Variants in SAMD5 observed in about 807,000 individuals in gnomAD.
SAMD5 encodes the protein sterile alpha motif domain containing 5.
Under a neutral mutation model 11.3 loss-of-function variants are expected in SAMD5, and 13 were observed. The ratio of observed to expected loss-of-function variants is 1.15; its 90% confidence interval spans 0.75 to 1.83. The LOEUF (loss-of-function observed/expected upper bound fraction) is 1.83. SAMD5 is among the 40% of genes most tolerant of loss of function. The probability of loss-of-function intolerance (pLI) is 0.00; values close to 1 mark genes in which losing one functional copy is unlikely to be tolerated. For synonymous variants in SAMD5, 129 were observed against 111.3 expected (o/e 1.16, Z -1.00); for missense variants, 255 against 239.1 (o/e 1.07, Z -0.44).
chr6:147,613,712 A>G (rs751863014), intron 1 of SAMD5, among the ~76,000 whole-genome samples: 6 of 151,560 alleles, frequency 4.0e-5, no homozygotes, highest in Non-Finnish European at 7.4e-5. Flanking sequence ...GATGGAGAAG[A>G]AAGGGTAGAG....
At chr6:147,701,360 C>A (rs1246858855) in intron 1 of SAMD5, among the ~76,000 whole-genome samples, 1 of 152,124 alleles carries the variant, frequency 6.6e-6, no homozygotes, top group Non-Finnish European at 1.5e-5. Flanking sequence ...CTGGACTGGG[C>A]ATGATGGTCA....
At chr6:147,702,262 C>A (rs557152144) in intron 1 of SAMD5, among the ~76,000 whole-genome samples, 15 of 152,216 alleles carry the variant, frequency 9.9e-5, no homozygotes, top group African/African-American at 3.6e-4. Context: ...CCACAGGGTA[C>A]CTCCTAGGAC....
the SAMD5 span, among the ~76,000 whole-genome samples, chr6:147,921,244 C>T: frequency 2.0e-5 from 3 of 148,506 alleles, no homozygotes; most frequent in East Asian, 5.9e-4. Context: ...TACCAGAGAA[C>T]ACTTTCTTAA....
chr6:147,942,593 G>A, the SAMD5 span, among the ~76,000 whole-genome samples: 2,870 of 152,228 alleles, frequency 0.019, 101 homozygotes, highest in African/African-American at 0.066. Context: ...GAAGCCCAGT[G>A]TCTCCTACAA....
the SAMD5 span, among the ~76,000 whole-genome samples, chr6:147,848,957 T>G: frequency 1.3e-5 from 2 of 152,156 alleles, no homozygotes; most frequent in Non-Finnish European, 2.9e-5. Context: ...AAACTTTTTC[T>G]GTAAAGAGAC....
intron 1 of SAMD5, chr6:147,737,217 G>T: frequency 1.1e-5 from 5 of 445,290 alleles, no homozygotes; most frequent in East Asian, 8.3e-5. Context: ...TCCCATCCTC[G>T]GGAAGGGTGA....
At chr6:147,932,040 A>T in the SAMD5 span, among the ~76,000 whole-genome samples, 1 of 152,138 alleles carries the variant, frequency 6.6e-6, no homozygotes, top group South Asian at 2.1e-4. Flanking sequence ...AAATGTCGTG[A>T]TGTAATATTT....
chr6:147,891,907 G>T, the SAMD5 span, among the ~76,000 whole-genome samples: 1 of 152,274 alleles, frequency 6.6e-6, no homozygotes, highest in East Asian at 1.9e-4. Context: ...GTTTCTGCTG[G>T]CTGTAGCCCT....
intron 1 of SAMD5, among the ~76,000 whole-genome samples, chr6:147,704,447 T>A (rs188090477): frequency 2.0e-5 from 3 of 152,046 alleles, no homozygotes; most frequent in African/African-American, 7.2e-5. Context: ...ACATGTCAAA[T>A]AGAAACTGAT....
intron 1 of SAMD5, among the ~76,000 whole-genome samples, chr6:147,726,724 A>G (rs1259686567): frequency 1.4e-4 from 21 of 152,220 alleles, no homozygotes; most frequent in Non-Finnish European, 1.5e-5. Flanking sequence ...CTTCCCAAGA[A>G]CCTTCACCTA....
chr6:147,861,750 T>C, the SAMD5 span, among the ~76,000 whole-genome samples: 1 of 152,056 alleles, frequency 6.6e-6, no homozygotes, highest in South Asian at 2.1e-4. Flanking sequence ...GACTTTCCTT[T>C]CCAGGACCCA....
At chr6:147,820,937 G>T in the SAMD5 span, among the ~76,000 whole-genome samples, 3 of 152,166 alleles carry the variant, frequency 2.0e-5, no homozygotes, top group Non-Finnish European at 4.4e-5. Context: ...AGAGATTTCT[G>T]TAACTAAAAA....
At chr6:147,698,908 A>G (rs1393997519) in intron 1 of SAMD5, among the ~76,000 whole-genome samples, 2 of 152,184 alleles carry the variant, frequency 1.3e-5, no homozygotes, top group African/African-American at 2.4e-5. Flanking sequence ...GTGGAGAGGT[A>G]TCAGATGAAA....
the SAMD5 span, among the ~76,000 whole-genome samples, chr6:147,773,909 C>G: frequency 6.6e-6 from 1 of 152,158 alleles, no homozygotes; most frequent in South Asian, 2.1e-4. Context: ...GTGGCATGAT[C>G]ACAGCTCATT....
At chr6:147,637,248 T>A (rs1790243594) in intron 1 of SAMD5, among the ~76,000 whole-genome samples, 1 of 152,150 alleles carries the variant, frequency 6.6e-6, no homozygotes, top group Non-Finnish European at 1.5e-5. Flanking sequence ...CCTGGTTGGG[T>A]GAGCAGAGTG....
At chr6:147,722,379 T>C (rs929494881) in intron 1 of SAMD5, among the ~76,000 whole-genome samples, 1 of 151,740 alleles carries the variant, frequency 6.6e-6, no homozygotes, top group African/African-American at 2.4e-5. Flanking sequence ...TTTTTTCCCC[T>C]AAGGCTGTAT....
intron 1 of SAMD5, among the ~76,000 whole-genome samples, chr6:147,630,878 A>G (rs6941650): frequency 0.47 from 72,015 of 151,730 alleles, 17,545 homozygotes; most frequent in Middle Eastern, 0.57. Flanking sequence ...CCAAAACTCC[A>G]GCGCCAGTGA....
chr6:147,780,031 C>T, the SAMD5 span, among the ~76,000 whole-genome samples: 15 of 152,184 alleles, frequency 9.9e-5, no homozygotes, highest in African/African-American at 3.1e-4. Flanking sequence ...ATACTTTAAG[C>T]CTGATTCAGG....
chr6:147,537,264 A>G (rs148328790), intron 1 of SAMD5, among the ~76,000 whole-genome samples: 48 of 152,318 alleles, frequency 3.2e-4, no homozygotes, highest in African/African-American at 1.1e-3. Flanking sequence ...CAAATAAGCC[A>G]AATGCCATTT....
Sources: gnomAD v4.1 joint callset for allele counts (sites outside exome capture counted in the v4.1 genomes callset) on GRCh38, gnomAD v4.1.1 for gene constraint, MANE v1.5 for transcripts, NCBI Gene and HGNC (gene_info 2026-07-23, HGNC 2026-07-21) for gene names.